Variants in BBS9 observed in about 807,000 individuals in gnomAD.
BBS9 encodes protein PTHB1.
In BBS9, 89 loss-of-function variants were observed where a neutral mutation model predicts 117.7. The observed-to-expected ratio is 0.76, with a 90% CI of 0.64 to 0.90. BBS9 has a LOEUF of 0.90. BBS9 is among the 40% of genes least tolerant of loss of function. BBS9 has a pLI of 0.00. For synonymous variants in BBS9, 379 were observed against 370.9 expected, an observed-to-expected ratio of 1.02 and a Z score of -0.25; for missense variants, 982 against 1,042.2, an observed-to-expected ratio of 0.94 and a Z score of 0.80.
At chr7:33,400,814 A>T (rs750432378) in intron 19 of BBS9, among the ~76,000 whole-genome samples, 1 of 152,200 alleles carries the variant, frequency 6.6e-6, no homozygotes, top group Non-Finnish European at 1.5e-5. Flanking sequence ...GTACTTCCTA[A>T]AAAGTTACTT....
chr7:33,309,011 A>G (rs1808619295), intron 9 of BBS9, among the ~76,000 whole-genome samples: 1 of 152,218 alleles, frequency 6.6e-6, no homozygotes, highest in Non-Finnish European at 1.5e-5. Flanking sequence ...AGCTTGGTTC[A>G]TTTATTAGTT....
chr7:33,192,382 T>A (rs1310119615), intron 5 of BBS9, among the ~76,000 whole-genome samples: 1 of 152,216 alleles, frequency 6.6e-6, no homozygotes, highest in Non-Finnish European at 1.5e-5. Context: ...AAATATTTAG[T>A]GATGATACAT....
intron 16 of BBS9, among the ~76,000 whole-genome samples, chr7:33,367,467 T>G (rs945617867): frequency 6.6e-6 from 1 of 152,200 alleles, no homozygotes; most frequent in South Asian, 2.1e-4. Flanking sequence ...CGGTAATAGC[T>G]TCCTTGCTAT....
At position 33,605,178 on chromosome 7, in the gene BBS9, ACT is replaced by A. The variant is rs755651768; in HGVS notation, c.2633-12_2633-11del. 2.5e-6 allele frequency: 4 copies of A among 1,605,606 alleles called. No individual in the cohort carries two copies. The highest frequency in any genetic ancestry group is 3.4e-6 in the Non-Finnish European group (4 of 1,172,678). On this transcript the variant is annotated splice_polypyrimidine_tract_variant and intron_variant, in intron 22 of 22. Coordinates refer to ENST00000242067, the MANE Select transcript of BBS9 (RefSeq NM_198428.3). ...GATCTTTTCTCTCTCTTTCTCTCTTACTCTCTTTTTTTCCAGAAGTTTCACCC... is the reference window on the plus strand; with the variant it reads ...GATCTTTTCTCTCTCTTTCTCTCTTACTCTTTTTTTCCAGAAGTTTCACCC...
At chr7:33,542,388 G>A (rs2129072736) in intron 21 of BBS9, among the ~76,000 whole-genome samples, 1 of 152,212 alleles carries the variant, frequency 6.6e-6, no homozygotes, top group African/African-American at 2.4e-5. Flanking sequence ...CAGCCCATGA[G>A]TAAGTTATTT....
At chr7:33,424,696 A>G (rs1833392850) in intron 19 of BBS9, among the ~76,000 whole-genome samples, 1 of 152,190 alleles carries the variant, frequency 6.6e-6, no homozygotes, top group Admixed American at 6.5e-5. Flanking sequence ...TATGCAGACC[A>G]TAGTGTAATG....
chr7:33,382,262 C>A (rs911686952), intron 17 of BBS9, among the ~76,000 whole-genome samples: 1 of 152,024 alleles, frequency 6.6e-6, no homozygotes, highest in Admixed American at 6.6e-5. Context: ...GAGTTTGAGA[C>A]CAGCCTGACC....
intron 21 of BBS9, among the ~76,000 whole-genome samples, chr7:33,625,635 T>C (rs1173431263): frequency 1.3e-5 from 2 of 152,216 alleles, no homozygotes; most frequent in Non-Finnish European, 2.9e-5. Flanking sequence ...AAACAACTGC[T>C]ATTGTAATTA....
intron 19 of BBS9, among the ~76,000 whole-genome samples, chr7:33,394,499 T>C (rs1584639331): frequency 2.0e-5 from 3 of 152,130 alleles, no homozygotes; most frequent in Non-Finnish European, 4.4e-5. Flanking sequence ...TAAACCCCCA[T>C]GACACAAGTT....
At chr7:33,171,817 A>T (rs1176548691) in intron 4 of BBS9, among the ~76,000 whole-genome samples, 3 of 152,100 alleles carry the variant, frequency 2.0e-5, no homozygotes, top group Non-Finnish European at 2.9e-5. Context: ...ATAATTTTGA[A>T]AATATGACAC....
intron 20 of BBS9, among the ~76,000 whole-genome samples, chr7:33,525,883 G>C (rs1849410024): frequency 6.6e-6 from 1 of 151,492 alleles, no homozygotes; most frequent in African/African-American, 2.4e-5. Context: ...GCAGCGGCTG[G>C]TACAGGTTGT....
At chr7:33,132,936 A>T (rs1471964821) in intron 1 of BBS9, among the ~76,000 whole-genome samples, 1 of 152,182 alleles carries the variant, frequency 6.6e-6, no homozygotes, top group African/African-American at 2.4e-5. Flanking sequence ...TATTTAAAAA[A>T]GTTGTAATAA....
intron 19 of BBS9, among the ~76,000 whole-genome samples, chr7:33,440,256 A>G (rs895657565): frequency 6.6e-6 from 1 of 152,232 alleles, no homozygotes; most frequent in African/African-American, 2.4e-5. Flanking sequence ...ATAACGTACC[A>G]TACAAATTTG....
intron 21 of BBS9, among the ~76,000 whole-genome samples, chr7:33,593,387 T>C (rs1279149825): frequency 6.6e-6 from 1 of 152,142 alleles, no homozygotes; most frequent in East Asian, 1.9e-4. Context: ...TTTAACAAAA[T>C]AGTGAGTAGA....
intron 19 of BBS9, among the ~76,000 whole-genome samples, chr7:33,484,729 G>C (rs1158856476): frequency 6.6e-6 from 1 of 152,240 alleles, no homozygotes; most frequent in South Asian, 2.1e-4. Flanking sequence ...GTGGAAGACA[G>C]TGTGGCAATT....
At chr7:33,518,245 C>CTTTTTTTTTTTTTTTTTTTT (rs747829401) in intron 20 of BBS9, among the ~76,000 whole-genome samples, 5 of 93,930 alleles carry the variant, frequency 5.3e-5, no homozygotes, top group Non-Finnish European at 6.0e-5. Flanking sequence ...TGTATATATT[C>CTTTTTTTTTTTTTTTTTTTT]TTTTTTTTTT....
chr7:33,604,214 G>C (rs775092153), intron 21 of BBS9, among the ~76,000 whole-genome samples: 14 of 152,184 alleles, frequency 9.2e-5, no homozygotes, highest in Non-Finnish European at 1.9e-4. Context: ...TCCCATACAA[G>C]ATTTTGGTGG....
At chr7:33,303,560 C>T (rs7804187) in intron 9 of BBS9, among the ~76,000 whole-genome samples, 5,144 of 121,956 alleles carry the variant, frequency 0.042, 183 homozygotes, top group African/African-American at 0.098. Flanking sequence ...CCTCTGTTGC[C>T]GAGGCTGGAC....
rs184824613 is a variant in BBS9 at position 33,481,482 on chromosome 7, T to C, written c.2116-23981T>C. ...AATGATATTTCAGAATTAAATTATG[T>C]AATATGATATTATATAATGTTGCAT... is the stretch of plus-strand genomic sequence containing the variant. On this transcript the variant is annotated intron_variant, in intron 19 of 22. Coordinates refer to ENST00000242067, the MANE Select transcript of BBS9 (RefSeq NM_198428.3). Among the ~76,000 whole-genome samples the C allele has an allele frequency of 2.5e-3, 378 of 152,142 alleles. 5 individuals are homozygous for C. The South Asian group carries it at 0.035, about 14-fold the overall frequency.
Sources: gnomAD v4.1 joint callset for allele counts (sites outside exome capture counted in the v4.1 genomes callset) on GRCh38, gnomAD v4.1.1 for gene constraint, MANE v1.5 for transcripts, NCBI Gene and HGNC (gene_info 2026-07-23, HGNC 2026-07-21) for gene names.